The following ESRRG variants were observed in gnomAD, a reference collection of about 807,000 sequenced individuals.
ESRRG encodes estrogen related receptor gamma.
A neutral mutation model predicts 44.0 loss-of-function variants in ESRRG; 13 were observed. That is an observed-to-expected ratio of 0.30 (90% confidence interval 0.19 to 0.47). ESRRG has a LOEUF of 0.47. ESRRG is among the 20% of genes least tolerant of loss of function. The pLI is 1.00. For missense variants in ESRRG, 395 were observed against 580.6 expected (o/e 0.68, Z 3.29); for synonymous variants, 215 against 214.6 (o/e 1.00, Z -0.02).
chr1:216,633,742 C>G (rs1170016680), intron 3 of ESRRG, among the ~76,000 whole-genome samples: 1 of 152,130 alleles, frequency 6.6e-6, no homozygotes, highest in Non-Finnish European at 1.5e-5. Context: ...ACTGACATTC[C>G]TGTCAATTAT....
In ESRRG at chr1:216,651,034, T is replaced by C. The variant is rs1283534168; in HGVS notation, c.528A>G (p.Arg176=). 5 of 1,613,616 alleles carry C rather than the reference T, an allele frequency of 3.1e-6. No individual in the cohort carries two copies. The highest frequency in any genetic ancestry group is 4.2e-6 in the Non-Finnish European group (5 of 1,179,606). Residue 176 remains arginine, a synonymous_variant, in exon 3 of 7, where the codon AGA becomes AGG. Transcript: ENST00000408911. ...ATNECEITKR[R]RKSCQACRFM... ...AGCGGCAAGCCTGGCAGGATTTACG[T>C]CTGCGCTTTGTGATTTCACATTCAT... is the stretch of plus-strand genomic sequence containing the variant.
chr1:217,001,809 C>T (rs1432748151), intron 1 of ESRRG, among the ~76,000 whole-genome samples: 1 of 152,070 alleles, frequency 6.6e-6, no homozygotes, highest in Non-Finnish European at 1.5e-5. Flanking sequence ...AAATGGAGAA[C>T]CATACCAGCA....
intron 2 of ESRRG, among the ~76,000 whole-genome samples, chr1:216,783,814 G>A (rs932134970): frequency 3.9e-5 from 6 of 151,956 alleles, no homozygotes; most frequent in Non-Finnish European, 5.9e-5. Context: ...TGACTCTTCC[G>A]ACGTTTTCAA....
At chr1:216,510,729 C>CA (rs1389459446) in intron 6 of ESRRG, among the ~76,000 whole-genome samples, 1 of 151,982 alleles carries the variant, frequency 6.6e-6, no homozygotes, top group Non-Finnish European at 1.5e-5. Flanking sequence ...ACTAAAAATA[C>CA]AAAAAATTAG....
At chr1:216,541,747 T>C (rs946449216) in intron 5 of ESRRG, among the ~76,000 whole-genome samples, 1 of 151,960 alleles carries the variant, frequency 6.6e-6, no homozygotes, top group African/African-American at 2.4e-5. Context: ...CTTCTATTTT[T>C]GTTCTACGTC....
intron 1 of ESRRG, among the ~76,000 whole-genome samples, chr1:217,028,614 C>T (rs2081566151): frequency 6.6e-6 from 1 of 152,226 alleles, no homozygotes; most frequent in Non-Finnish European, 1.5e-5. Flanking sequence ...TCCACCATCA[C>T]TATTTCCTTC....
At chr1:217,057,871 G>T (rs1326643791) in intron 1 of ESRRG, among the ~76,000 whole-genome samples, 1 of 152,106 alleles carries the variant, frequency 6.6e-6, no homozygotes, top group Non-Finnish European at 1.5e-5. Context: ...TGTATTTTAT[G>T]TGTGGCCCAA....
intron 2 of ESRRG, among the ~76,000 whole-genome samples, chr1:216,902,603 C>T (rs1354854230): frequency 1.3e-5 from 2 of 152,152 alleles, no homozygotes; most frequent in African/African-American, 4.8e-5. Context: ...CCCACATACT[C>T]CTCAATGCTG....
At chr1:216,799,444 G>A (rs1434467695) in intron 2 of ESRRG, among the ~76,000 whole-genome samples, 9 of 151,092 alleles carry the variant, frequency 6.0e-5, no homozygotes, top group Non-Finnish European at 3.0e-5. Flanking sequence ...AGGAGGTGAC[G>A]ATTATAATCA....
intron 5 of ESRRG, among the ~76,000 whole-genome samples, chr1:216,546,800 C>T (rs981549680): frequency 7.2e-6 from 1 of 139,858 alleles, no homozygotes; most frequent in Non-Finnish European, 1.6e-5. Context: ...AATTTCACCT[C>T]TGCTATCTCT....
At chr1:216,772,728 C>T (rs2093432296) in intron 2 of ESRRG, among the ~76,000 whole-genome samples, 2 of 151,954 alleles carry the variant, frequency 1.3e-5, no homozygotes, top group Admixed American at 1.3e-4. Flanking sequence ...TTTCACTTAA[C>T]AACCCATTCT....
intron 2 of ESRRG, among the ~76,000 whole-genome samples, chr1:216,920,696 C>A (rs1431786461): frequency 6.6e-6 from 1 of 152,074 alleles, no homozygotes; most frequent in Non-Finnish European, 1.5e-5. Flanking sequence ...ACAATGCTTT[C>A]ACTTATTACA....
rs531272656 is a variant in ESRRG, at chr1:216,936,712, A to C, written c.-14+2870T>G. 3.9e-5 allele frequency: 6 copies of C among 152,234 alleles called. No homozygotes were observed. In the East Asian group the frequency reaches 9.6e-4, roughly 24 times the overall value. 9.4% of individuals were successfully genotyped at this position (152,234 alleles called of 1,614,324 possible). A position where few individuals can be genotyped will look rare whatever the true frequency, so the allele number is the denominator to read the frequency against. On this transcript the variant is annotated intron_variant, in intron 2 of 7. Transcript: ENST00000359162. ...TTCTCTCACGGACCTTGAGGAAAAA[A>C]AAAAAGAAGAAGGAGAAGAAGACAA...
At position 216,939,138 on chromosome 1, in the gene ESRRG, C is replaced by G. The variant is rs562785689; in HGVS notation, c.-14+444G>C. 5.9e-5 allele frequency among the ~76,000 whole-genome samples: 9 copies of G among 152,018 alleles called. 1 individual carries two copies. The South Asian group carries it at 1.9e-3, about 32-fold the overall frequency. ...AAGGATCCCTATCTTAAACGCAGGA[C>G]AAGACGTAAAGAAGAGTAATATTTT... On this transcript the variant is annotated intron_variant, in intron 2 of 7. Coordinates refer to the ESRRG transcript ENST00000359162.
At chr1:216,597,385 T>C (rs1172851160) in intron 3 of ESRRG, among the ~76,000 whole-genome samples, 1 of 152,120 alleles carries the variant, frequency 6.6e-6, no homozygotes, top group African/African-American at 2.4e-5. Context: ...AAGAAGGAAC[T>C]TGGGCATCAC....
chr1:216,980,468 G>T (rs907421496), intron 1 of ESRRG, among the ~76,000 whole-genome samples: 5 of 152,102 alleles, frequency 3.3e-5, no homozygotes, highest in African/African-American at 9.7e-5. Flanking sequence ...ATATTTTCCA[G>T]ATTTTCCAGA....
chr1:217,006,408 C>T (rs554353813), intron 1 of ESRRG, among the ~76,000 whole-genome samples: 1 of 151,994 alleles, frequency 6.6e-6, no homozygotes, highest in African/African-American at 2.4e-5. Context: ...TATAGTAGTA[C>T]ACAATATACT....
intron 1 of ESRRG, among the ~76,000 whole-genome samples, chr1:216,949,079 C>A (rs891801145): frequency 6.6e-6 from 1 of 152,188 alleles, no homozygotes; most frequent in Non-Finnish European, 1.5e-5. Context: ...GCCTTCCCAA[C>A]ACCTTCACCA....
intron 2 of ESRRG, among the ~76,000 whole-genome samples, chr1:216,812,116 T>C (rs1197775334): frequency 6.6e-6 from 1 of 152,112 alleles, no homozygotes; most frequent in African/African-American, 2.4e-5. Flanking sequence ...GGAGGCATAA[T>C]TACCCTGGAA....
Sources: allele counts gnomAD v4.1 joint callset (sites outside exome capture counted in the v4.1 genomes callset), GRCh38; gene constraint gnomAD v4.1.1; transcripts MANE v1.5; gene names NCBI Gene and HGNC (gene_info 2026-07-23, HGNC 2026-07-21).